Variants in ROS1 observed in about 807,000 individuals in gnomAD.
The protein encoded by ROS1 is proto-oncogene tyrosine-protein kinase ROS.
A neutral mutation model predicts 273.5 loss-of-function variants in ROS1; 263 were observed. The observed-to-expected ratio is 0.96, with a 90% CI of 0.87 to 1.06. The LOEUF (loss-of-function observed/expected upper bound fraction) is 1.06. Ranked by LOEUF, ROS1 falls within the 50% of genes least tolerant of loss-of-function variation. The pLI, the probability that ROS1 is intolerant of heterozygous loss-of-function variation, is 0.00. For synonymous variants in ROS1, 1,008 were observed against 954.1 expected, an observed-to-expected ratio of 1.06 and a Z score of -1.04; for missense variants, 2,833 against 2,751.1, an observed-to-expected ratio of 1.03 and a Z score of -0.67.
At chr6:117,394,559 A>G (rs1773338683) in intron 10 of ROS1, 57 bp downstream of exon 10, 12 of 1,419,286 alleles carry the variant, frequency 8.5e-6, no homozygotes, top group Non-Finnish European at 1.1e-5. Flanking sequence ...TTCTAGAAGT[A>G]CTTCTTTTAG....
chr6:117,342,453 G>A lies in ROS1; in HGVS notation c.4598C>T (p.Pro1533Leu). 6.2e-7 allele frequency: 1 copy of A among 1,610,470 alleles called. No homozygotes were observed. The change falls in exon 29 of 44, where the codon CCT becomes CTT. Residue 1533 changes from proline (P) to leucine (L), a missense_variant. Transcript: ENST00000368507. ...TTTTCCTGGTGGTAAATGTTCCAAA[G>A]GATCTGAATAATAATTTTTTACAGC... The part of the protein sequence containing the change: ...QIAVKNYYSD[P>L]LEHLPPGKEI...
intron 43 of ROS1, among the ~76,000 whole-genome samples, chr6:117,289,593 A>G (rs1478120916): frequency 6.6e-6 from 1 of 152,220 alleles, no homozygotes; most frequent in Non-Finnish European, 1.5e-5. Flanking sequence ...ATCATTAGGT[A>G]TGCATCTCCT....
intron 39 of ROS1, among the ~76,000 whole-genome samples, chr6:117,312,459 T>A (rs1165229075): frequency 1.3e-5 from 2 of 152,074 alleles, no homozygotes; most frequent in Non-Finnish European, 2.9e-5. Flanking sequence ...CAAATCAATA[T>A]CCTCCAACCC....
At chr6:117,407,080 A>C (rs1016024360) in intron 5 of ROS1, among the ~76,000 whole-genome samples, 5 of 149,486 alleles carry the variant, frequency 3.3e-5, no homozygotes, top group African/African-American at 1.2e-4. Context: ...AAAAAAAAAA[A>C]TGTAATATCA....
chr6:117,384,956 C>A (rs180728624), intron 16 of ROS1, among the ~76,000 whole-genome samples: 3 of 152,288 alleles, frequency 2.0e-5, no homozygotes, highest in African/African-American at 7.2e-5. Context: ...CAGCTACAGC[C>A]CTCACCAGGT....
chr6:117,350,035 AG>A (rs1466495019), intron 27 of ROS1, among the ~76,000 whole-genome samples: 3 of 151,452 alleles, frequency 2.0e-5, no homozygotes, highest in Non-Finnish European at 2.9e-5. Context: ...AGGTCAGTTA[AG>A]AAAAAGAAAA....
chr6:117,355,054 G>A (rs1474329244), intron 26 of ROS1, among the ~76,000 whole-genome samples: 1 of 152,188 alleles, frequency 6.6e-6, no homozygotes, highest in Non-Finnish European at 1.5e-5. Flanking sequence ...TCCATCAAGG[G>A]TGGGAGATGA....
At chr6:117,349,199 G>A (rs1386749540) in intron 27 of ROS1, among the ~76,000 whole-genome samples, 1 of 151,818 alleles carries the variant, frequency 6.6e-6, no homozygotes, top group East Asian at 1.9e-4. Context: ...GGTGATAGTG[G>A]CTTCATCTGT....
chr6:117,304,082 G>A (rs1246706533), intron 42 of ROS1, among the ~76,000 whole-genome samples: 1 of 152,112 alleles, frequency 6.6e-6, no homozygotes, highest in East Asian at 1.9e-4. Context: ...GACTTCACAT[G>A]TATTACAAGC....
At chr6:117,362,545 C>A (rs532338007) in intron 22 of ROS1, 58 bp downstream of exon 22, 6 of 1,500,412 alleles carry the variant, frequency 4.0e-6, no homozygotes, top group Admixed American at 1.9e-5. Context: ...CATAGTCTTT[C>A]CCTCTCCCCA....
At chr6:117,363,562 A>G (rs1219381728) in intron 21 of ROS1, among the ~76,000 whole-genome samples, 1 of 151,982 alleles carries the variant, frequency 6.6e-6, no homozygotes, top group Non-Finnish European at 1.5e-5. Flanking sequence ...TTCCAATCAC[A>G]TTGCTATTTA....
intron 24 of ROS1, among the ~76,000 whole-genome samples, chr6:117,358,509 G>C (rs183257190): frequency 6.6e-6 from 1 of 151,882 alleles, no homozygotes; most frequent in Non-Finnish European, 1.5e-5. Context: ...ACCCAGGCTG[G>C]AGTGCAGTGG....
intron 22 of ROS1, among the ~76,000 whole-genome samples, chr6:117,361,264 T>C (rs1053732321): frequency 6.6e-6 from 1 of 151,966 alleles, no homozygotes; most frequent in Non-Finnish European, 1.5e-5. Context: ...ATATGTACAG[T>C]AGCCTGCAAA....
intron 32 of ROS1, among the ~76,000 whole-genome samples, chr6:117,336,960 C>T (rs1777526073): frequency 6.6e-6 from 1 of 151,978 alleles, no homozygotes. Context: ...GTAATTTTGC[C>T]CAGTTCAGGA....
At chr6:117,387,431 C>A (rs1042306382) in intron 14 of ROS1, among the ~76,000 whole-genome samples, 19 of 152,200 alleles carry the variant, frequency 1.2e-4, no homozygotes, top group Admixed American at 1.2e-3. Flanking sequence ...TTCACAGCCT[C>A]TCAACTTCTC....
intron 18 of ROS1, among the ~76,000 whole-genome samples, chr6:117,373,917 T>C (rs1781097093): frequency 6.6e-6 from 1 of 152,174 alleles, no homozygotes; most frequent in South Asian, 2.1e-4. Flanking sequence ...GCTGCAAAAA[T>C]ATACTCACAA....
chr6:117,368,398 G>A (rs1780448862), intron 18 of ROS1, among the ~76,000 whole-genome samples: 1 of 152,046 alleles, frequency 6.6e-6, no homozygotes, highest in Non-Finnish European at 1.5e-5. Flanking sequence ...GTTTACTCTT[G>A]TATAAACTAA....
chr6:117,422,618 C>T (rs1775844289), intron 1 of ROS1, among the ~76,000 whole-genome samples: 1 of 151,956 alleles, frequency 6.6e-6, no homozygotes, highest in South Asian at 2.1e-4. Flanking sequence ...CATGTCTGTA[C>T]ATTAATTTTT....
intron 35 of ROS1, among the ~76,000 whole-genome samples, chr6:117,323,930 A>T (rs1271409362): frequency 6.6e-6 from 1 of 152,124 alleles, no homozygotes; most frequent in Non-Finnish European, 1.5e-5. Flanking sequence ...CCAATCAAAG[A>T]TTGTCACTGG....
Sources: allele counts gnomAD v4.1 joint callset (sites outside exome capture counted in the v4.1 genomes callset), GRCh38; gene constraint gnomAD v4.1.1; transcripts MANE v1.5; gene names NCBI Gene and HGNC (gene_info 2026-07-23, HGNC 2026-07-21).